Variants in CPLX1 observed in about 807,000 individuals in gnomAD.
The protein encoded by CPLX1 is complexin 1.
Under a neutral mutation model 15.6 loss-of-function variants are expected in CPLX1, and 6 were observed. The ratio of observed to expected loss-of-function variants is 0.39; its 90% CI spans 0.21 to 0.76. The LOEUF (loss-of-function observed/expected upper bound fraction) is 0.76. Ranked by LOEUF, CPLX1 falls within the 30% of genes least tolerant of loss-of-function variation. The probability of loss-of-function intolerance (pLI) is 0.43; values close to 1 mark genes in which losing one functional copy is unlikely to be tolerated. For synonymous variants in CPLX1, 91 were observed against 75.2 expected (o/e 1.21, Z -1.08); for missense variants, 242 against 188.6 (o/e 1.28, Z -1.66).
At chr4:809,281 C>A (rs1275719197) in intron 2 of CPLX1, among the ~76,000 whole-genome samples, 1 of 152,282 alleles carries the variant, frequency 6.6e-6, no homozygotes, top group African/African-American at 2.4e-5. Context: ...CCCCAAGGCC[C>A]CTTCAGCCTT....
chr4:804,644 A>T, intron 2 of CPLX1: 2 of 775,924 alleles, frequency 2.6e-6, no homozygotes, highest in Non-Finnish European at 3.1e-6. Context: ...CCTTCAGCTT[A>T]AACTCCAACG....
chr4:788,215 C>T, intron 3 of CPLX1: 1 of 985,230 alleles, frequency 1.0e-6, no homozygotes, highest in African/African-American at 1.7e-5. Flanking sequence ...TGGGCACCCC[C>T]TGGATCTCCA....
At chr4:820,107 C>G (rs1241805996) in intron 2 of CPLX1, among the ~76,000 whole-genome samples, 2 of 152,120 alleles carry the variant, frequency 1.3e-5, no homozygotes, top group Admixed American at 6.5e-5. Flanking sequence ...GCAGCTCCAC[C>G]GTCCTCCCAG....
intron 1 of CPLX1, among the ~76,000 whole-genome samples, chr4:825,834 GCCGGAGC>G (rs2152649550): frequency 1.4e-5 from 2 of 140,796 alleles, no homozygotes; most frequent in East Asian, 2.3e-4. Context: ...GGGGGGAGAA[GCCGGAGC>G]CGGGGAGGAG....
chr4:819,575 C>T (rs532389003), intron 2 of CPLX1, among the ~76,000 whole-genome samples: 7 of 152,370 alleles, frequency 4.6e-5, no homozygotes, highest in African/African-American at 1.7e-4. Flanking sequence ...GAAGGACACA[C>T]TGCTGGGGGG....
intron 2 of CPLX1, among the ~76,000 whole-genome samples, chr4:801,618 C>T (rs1437682162): frequency 6.6e-6 from 1 of 152,160 alleles, no homozygotes; most frequent in Admixed American, 6.5e-5. Context: ...GGGTTGTGCC[C>T]GGGAGCACCA....
rs141636388 is a variant in CPLX1, at chr4:793,181, G to A, written c.32-573C>T. Among the ~76,000 whole-genome samples, 723 of 152,282 alleles carry A rather than the reference G, an allele frequency of 4.7e-3. 2 individuals are homozygous for A. Among genetic ancestry groups the A allele is most frequent in the Non-Finnish European group, 7.4e-3 (504 of 68,024 alleles). On this transcript the variant is annotated intron_variant, in intron 2 of 3. Transcript: ENST00000304062. ...AGGCCTGGCCTCCTGGAGGTGGTGC[G>A]GTTCAGCCATCTATGCAGGCAGTGG...
chr4:792,574 A>AC lies in CPLX1; in HGVS notation c.65dup (p.Asp23Ter), dbSNP rs1438200776. On this transcript the variant is annotated frameshift_variant, in exon 3 of 4. Transcript: ENST00000304062. LOFTEE classifies it high-confidence loss of function. ...CGGCGTCTGGGTCCTTCTCCTCGTC[A>AC]CCCCCCAGCATCTTCCCCATGTCCT... 2 of 1,604,420 alleles carry AC rather than the reference A, an allele frequency of 1.2e-6. No individual in the cohort carries two copies. The highest frequency in any genetic ancestry group is 1.1e-5 in the South Asian group (1 of 90,380).
chr4:789,295 G>A (rs542239471), intron 3 of CPLX1, among the ~76,000 whole-genome samples: 1 of 152,146 alleles, frequency 6.6e-6, no homozygotes, highest in Non-Finnish European at 1.5e-5. Flanking sequence ...AGCTCTCCAG[G>A]AAGTAACACC....
At chr4:819,440 G>T (rs1390172272) in intron 2 of CPLX1, among the ~76,000 whole-genome samples, 1 of 152,218 alleles carries the variant, frequency 6.6e-6, no homozygotes, top group Non-Finnish European at 1.5e-5. Context: ...CCAGCAAAGT[G>T]AGTGAGTGCT....
intron 3 of CPLX1, among the ~76,000 whole-genome samples, chr4:792,072 C>T (rs1746192179): frequency 6.6e-6 from 1 of 152,120 alleles, no homozygotes; most frequent in Non-Finnish European, 1.5e-5. Flanking sequence ...TGAGTCCTCA[C>T]TCCAGGCCGG....
chr4:802,689 C>A (rs1319581005), intron 2 of CPLX1, among the ~76,000 whole-genome samples: 1 of 152,160 alleles, frequency 6.6e-6, no homozygotes, highest in East Asian at 1.9e-4. Context: ...GTGGCTCACA[C>A]CTGTAATCCC....
intron 2 of CPLX1, among the ~76,000 whole-genome samples, chr4:817,833 G>A (rs533153977): frequency 1.3e-5 from 2 of 152,226 alleles, no homozygotes; most frequent in South Asian, 4.2e-4. Flanking sequence ...CCCATTGGAG[G>A]GTGCATTGTT....
chr4:808,280 C>T (rs1746595202), intron 2 of CPLX1, among the ~76,000 whole-genome samples: 1 of 151,992 alleles, frequency 6.6e-6, no homozygotes, highest in Non-Finnish European at 1.5e-5. Flanking sequence ...AAATCCTCCT[C>T]CTGGGCCCTT....
At chr4:803,429 C>T (rs1303766888) in intron 2 of CPLX1, among the ~76,000 whole-genome samples, 1 of 151,972 alleles carries the variant, frequency 6.6e-6, no homozygotes, top group Non-Finnish European at 1.5e-5. Flanking sequence ...CTCGCTCTGT[C>T]GCCCAGGCTG....
At position 822,302 on chromosome 4, in the gene CPLX1, T is replaced by C. The variant is rs559330004; in HGVS notation, c.31+2190A>G. 8.6e-5 allele frequency among the ~76,000 whole-genome samples: 13 copies of C among 150,978 alleles called. No homozygotes were observed. The South Asian group carries it at 2.7e-3, about 32-fold the overall frequency. The stretch of plus-strand genomic sequence containing the variant: ...CTCTTCCTTTGTCTGTCTGTCTCTC[T>C]GTATCCCTCTGTCTCTCCCTCTGCT... On this transcript the variant is annotated intron_variant, in intron 2 of 3. Coordinates refer to ENST00000304062, the MANE Select transcript of CPLX1 (RefSeq NM_006651.4).
chr4:825,800 G>A (rs951462100), intron 1 of CPLX1, among the ~76,000 whole-genome samples: 1 of 150,418 alleles, frequency 6.6e-6, no homozygotes, highest in African/African-American at 2.4e-5. Context: ...GGAGAAACGG[G>A]GGCCGGAGGG....
chr4:807,248 C>G (rs752220689), intron 2 of CPLX1, among the ~76,000 whole-genome samples: 6 of 152,208 alleles, frequency 3.9e-5, no homozygotes, highest in Non-Finnish European at 7.3e-5. Flanking sequence ...ACCGCATGTT[C>G]TCACTCGTAA....
intron 2 of CPLX1, among the ~76,000 whole-genome samples, chr4:793,998 T>A (rs1436096235): frequency 2.0e-5 from 3 of 152,218 alleles, no homozygotes; most frequent in Admixed American, 2.0e-4. Flanking sequence ...GCGCTCTGGG[T>A]TCCCCCTCGC....
Sources: allele counts gnomAD v4.1 joint callset (sites outside exome capture counted in the v4.1 genomes callset), GRCh38; gene constraint gnomAD v4.1.1; transcripts MANE v1.5; gene names NCBI Gene and HGNC (gene_info 2026-07-23, HGNC 2026-07-21).